Variants in HIF1A observed in about 807,000 individuals in gnomAD.
The protein encoded by HIF1A is hypoxia inducible factor 1 subunit alpha, also known as hypoxia-inducible factor 1-alpha.
Under a neutral mutation model 92.7 loss-of-function variants are expected in HIF1A, and 24 were observed. That is an observed-to-expected ratio of 0.26 (90% CI 0.19 to 0.36). The LOEUF (loss-of-function observed/expected upper bound fraction) is 0.36, where lower values mean the gene tolerates loss of function less well. Among genes scored for constraint, HIF1A ranks in the 10% least tolerant of loss-of-function variants. The pLI, the probability that HIF1A is intolerant of heterozygous loss-of-function variation, is 1.00. For missense variants in HIF1A, 799 were observed against 998.5 expected (o/e 0.80, Z 2.69); for synonymous variants, 319 against 338.7 (o/e 0.94, Z 0.64).
intron 7 of HIF1A, 29 bp from the exon 8 acceptor site, chr14:61,734,109 T>C: frequency 1.4e-6 from 2 of 1,455,418 alleles, no homozygotes; most frequent in Non-Finnish European, 9.2e-7. Flanking sequence ...ATATTTTCTC[T>C]GCATGATTCT....
chr14:61,726,675 G>T (rs778446478), intron 4 of HIF1A, 31 bp from the exon 5 acceptor site: 2 of 1,369,270 alleles, frequency 1.5e-6, no homozygotes, highest in South Asian at 2.6e-5. Context: ...ATATTTAGTT[G>T]CTTTAAAACT....
chr14:61,701,025 T>G (rs1039465431), intron 1 of HIF1A, among the ~76,000 whole-genome samples: 1 of 152,236 alleles, frequency 6.6e-6, no homozygotes, highest in Non-Finnish European at 1.5e-5. Flanking sequence ...ATGCCAGTAC[T>G]TTTTCACAGA....
chr14:61,744,568 G>T (rs1159685203), intron 12 of HIF1A, 137 bp from the exon 13 acceptor site: 3 of 419,556 alleles, frequency 7.2e-6, no homozygotes, highest in Admixed American at 9.0e-5. Context: ...AAACTTTAGT[G>T]ATCAGGAAAG....
chr14:61,695,960 G>C, intron 1 of HIF1A, 121 bp downstream of exon 1: 1 of 873,940 alleles, frequency 1.1e-6, no homozygotes, highest in Non-Finnish European at 1.8e-6. Flanking sequence ...TTTTGTTTCT[G>C]CTGCTGCTCC....
rs1481875250 is a variant in HIF1A, at chr14:61,720,537, T to A, written c.191T>A (p.Ile64Asn). Residue 64 changes from isoleucine (I) to asparagine (N), a missense_variant, in exon 2 of 15, where the codon ATC becomes AAC. Ile to Asn is a moderately radical substitution (Grantham distance 149). Around this residue, in one of 2 missense-constraint regions of HIF1A, gnomAD observed 516 missense variants for 721.0 expected, o/e 0.72. Coordinates refer to ENST00000337138, the MANE Select transcript of HIF1A (RefSeq NM_001530.4). ...LDKASVMRLT[I>N]SYLRVRKLLD... is the part of the protein sequence containing the mutation. ...AAGGCCTCTGTGATGAGGCTTACCA[T>A]CAGCTATTTGCGTGTGAGGAAACTT... is the stretch of plus-strand genomic sequence containing the variant. 6.2e-7 allele frequency: 1 copy of A among 1,608,240 alleles called. No homozygotes were observed. Among genetic ancestry groups the A allele is most frequent in the Non-Finnish European group, 8.5e-7 (1 of 1,177,588 alleles).
intron 1 of HIF1A, among the ~76,000 whole-genome samples, chr14:61,696,971 CCAA>C (rs2044124490): frequency 6.6e-6 from 1 of 152,130 alleles, no homozygotes; most frequent in African/African-American, 2.4e-5. Context: ...CCCCCATCCC[CCAA>C]CACACACACA....
chr14:61,744,442 G>A (rs1414761149), intron 12 of HIF1A, among the ~76,000 whole-genome samples: 1 of 151,618 alleles, frequency 6.6e-6, no homozygotes, highest in Admixed American at 6.6e-5. Flanking sequence ...TCCAGAGGCA[G>A]GGCTTGGTTG....
At position 61,746,914 on chromosome 14, in the gene HIF1A, G is replaced by A. The variant is rs747769567; in HGVS notation, c.2330-20G>A. 5 of 1,576,092 alleles carry A rather than the reference G, an allele frequency of 3.2e-6. No homozygotes were observed. The African/African-American group carries it at 6.8e-5, about 21-fold the overall frequency. ...ATTGACTAGATGAATGTATACTTAG[G>A]TATCTCTTTTGTTTTTCAGATTTAG... On this transcript the variant is annotated intron_variant, in intron 14 of 14. Coordinates refer to ENST00000337138, the MANE Select transcript of HIF1A (RefSeq NM_001530.4).
chr14:61,738,170 A>G lies in HIF1A; in HGVS notation c.1333A>G (p.Asn445Asp). The G allele has an allele frequency of 6.2e-7, 1 of 1,614,172 alleles. No homozygotes were observed. The highest frequency in any genetic ancestry group is 1.1e-5 in the South Asian group (1 of 91,086). ...CCCCTCACCCAACGAAAAATTACAG[A>G]ATATAAATTTGGCAATGTCTCCATT... is the stretch of plus-strand genomic sequence containing the variant. ...MLPSPNEKLQ[N>D]INLAMSPLPT... Residue 445 changes from asparagine (N) to aspartate (D), a missense_variant, in exon 10 of 15, where the codon AAT (asparagine) becomes GAT (aspartate). This residue lies in a region of HIF1A where 516 missense variants were observed against 721.0 expected (regional missense o/e 0.72). Coordinates refer to ENST00000337138, the MANE Select transcript of HIF1A (RefSeq NM_001530.4).
intron 1 of HIF1A, among the ~76,000 whole-genome samples, chr14:61,700,904 A>G (rs1049878961): frequency 2.0e-5 from 3 of 152,154 alleles, no homozygotes; most frequent in African/African-American, 7.2e-5. Flanking sequence ...TTGTTTGTGG[A>G]TAATTAACCA....
chr14:61,742,952 A>G (rs1406727783), intron 12 of HIF1A, among the ~76,000 whole-genome samples: 1 of 149,736 alleles, frequency 6.7e-6, no homozygotes, highest in African/African-American at 2.5e-5. Flanking sequence ...AAAAATGACA[A>G]TCACTTATAA....
chr14:61,746,956 G>A lies in HIF1A; in HGVS notation c.2352G>A (p.Gly784=), dbSNP rs74054863. Residue 784 remains glycine (G), a synonymous_variant, in exon 15 of 15, where the codon GGG becomes GGA. Coordinates refer to ENST00000337138, the MANE Select transcript of HIF1A (RefSeq NM_001530.4). ...CAGATTTAGCATGTAGACTGCTGGG[G>A]CAATCAATGGATGAAAGTGGATTAC... is the stretch of plus-strand genomic sequence containing the variant. ...IPSDLACRLL[G]QSMDESGLPQ... 7.1e-4 allele frequency: 1,143 copies of A among 1,612,114 alleles called. 10 individuals carry two copies. The African/African-American group carries it at 0.013, about 19-fold the overall frequency.
At chr14:61,714,238 A>G (rs555664294) in intron 1 of HIF1A, among the ~76,000 whole-genome samples, 3 of 152,360 alleles carry the variant, frequency 2.0e-5, no homozygotes, top group Admixed American at 6.5e-5. Flanking sequence ...CACTCAGGTT[A>G]GTAAACAGTC....
chr14:61,745,661 C>T lies in HIF1A; in HGVS notation c.2203-30C>T, dbSNP rs761321964. ...TTGTTTAAAAAAAAAATTCAACAAA[C>T]TAAACTTGAAATAACTTTACTGTTT... On this transcript the variant is annotated intron_variant, in intron 13 of 14. Transcript: ENST00000337138. 3.1e-6 allele frequency: 5 copies of T among 1,589,298 alleles called. No homozygotes were observed. The East Asian group carries it at 1.1e-4, about 36-fold the overall frequency.
chr14:61,716,457 G>C (rs2044364977), intron 1 of HIF1A, among the ~76,000 whole-genome samples: 6 of 152,122 alleles, frequency 3.9e-5, no homozygotes, highest in Admixed American at 3.9e-4. Context: ...AAGTAAATCT[G>C]ATAATCTGCT....
At chr14:61,718,019 TA>T (rs67584071) in intron 1 of HIF1A, among the ~76,000 whole-genome samples, 83,494 of 144,460 alleles carry the variant, frequency 0.58, 27,619 homozygotes, top group Non-Finnish European at 0.73. Context: ...AGAACTCCAT[TA>T]AAAAAAAAAA....
Position 61,695,766 on chromosome 14 carries a change from G to A in HIF1A, c.-39G>A. ...GCGCTTAGGCCGGAGCGAGCCTGGGGGCCGCCCGCCGTGAAGACATCGCGG... is the reference window on the plus strand; with the variant it reads ...GCGCTTAGGCCGGAGCGAGCCTGGGAGCCGCCCGCCGTGAAGACATCGCGG... On this transcript the variant is annotated 5_prime_UTR_variant, in exon 1 of 15. Transcript: ENST00000337138. The A allele has an allele frequency of 6.4e-7, 1 of 1,572,204 alleles. No homozygotes were observed. Among genetic ancestry groups the A allele is most frequent in the African/African-American group, 1.3e-5 (1 of 74,332 alleles).
chr14:61,710,362 C>G (rs1414332066), intron 1 of HIF1A, among the ~76,000 whole-genome samples: 1 of 152,052 alleles, frequency 6.6e-6, no homozygotes, highest in African/African-American at 2.4e-5. Flanking sequence ...AAGGTAGAGA[C>G]TTGGTCTGTT....
intron 1 of HIF1A, among the ~76,000 whole-genome samples, chr14:61,716,461 A>G (rs2140132677): frequency 6.6e-6 from 1 of 152,276 alleles, no homozygotes; most frequent in African/African-American, 2.4e-5. Context: ...AAATCTGATA[A>G]TCTGCTCACA....
Sources: gnomAD v4.1 joint callset for allele counts (sites outside exome capture counted in the v4.1 genomes callset) on GRCh38, gnomAD v4.1.1 for gene constraint, gnomAD v4.1.1 regional missense constraint, MANE v1.5 for transcripts, NCBI Gene and HGNC (gene_info 2026-07-23, HGNC 2026-07-21) for gene names.